The following RAB2A variants were observed in gnomAD, a reference collection of about 807,000 sequenced individuals.
The protein encoded by RAB2A is RAB2A, member RAS oncogene family.
RAB2A carries 7 observed loss-of-function variants against 32.5 expected under a neutral mutation model. The ratio of observed to expected loss-of-function variants is 0.22; its 90% CI spans 0.12 to 0.40. The LOEUF (loss-of-function observed/expected upper bound fraction) is 0.40. Ranked by LOEUF, RAB2A falls within the 10% of genes least tolerant of loss-of-function variation. RAB2A has a pLI of 1.00. For missense variants in RAB2A, 108 were observed against 260.7 expected (o/e 0.41, Z 4.03); for synonymous variants, 79 against 85.2 (o/e 0.93, Z 0.40).
At chr8:60,585,327 G>GTTTTGT (rs1287820375) in intron 5 of RAB2A, among the ~76,000 whole-genome samples, 1 of 146,776 alleles carries the variant, frequency 6.8e-6, no homozygotes, top group African/African-American at 2.5e-5. Context: ...GTTTTGTTTT[G>GTTTTGT]TTTGAGACAG....
chr8:60,522,793 C>T (rs1211566687), intron 1 of RAB2A, among the ~76,000 whole-genome samples: 2 of 152,014 alleles, frequency 1.3e-5, no homozygotes, highest in Non-Finnish European at 2.9e-5. Flanking sequence ...AGAAGGAAGA[C>T]CTCTTCCTGT....
intron 1 of RAB2A, among the ~76,000 whole-genome samples, chr8:60,555,361 A>C (rs539766293): frequency 6.6e-6 from 1 of 152,368 alleles, no homozygotes; most frequent in East Asian, 1.9e-4. Context: ...AAAAGGCAAC[A>C]AAAGCAAAAT....
At chr8:60,528,313 CAT>C (rs537823759) in intron 1 of RAB2A, among the ~76,000 whole-genome samples, 40 of 152,334 alleles carry the variant, frequency 2.6e-4, no homozygotes, top group Admixed American at 1.6e-3. Flanking sequence ...TAAATGATAT[CAT>C]ATGTGTAACA....
At position 60,517,159 on chromosome 8, in the gene RAB2A, C is replaced by G. The variant is rs1255203150; in HGVS notation, c.-49C>G. ...CCGGGGTTGGGGCGCGGAGGAGGAG[C>G]AGCAGCGGGAGGAGGAGCCGTGTGC... On this transcript the variant is annotated 5_prime_UTR_variant, in exon 1 of 8. Coordinates refer to ENST00000262646, the MANE Select transcript of RAB2A (RefSeq NM_002865.3). The G allele has an allele frequency of 1.6e-5, 23 of 1,465,662 alleles. No homozygotes were observed. Among genetic ancestry groups the G allele is most frequent in the Non-Finnish European group, 2.1e-5 (23 of 1,104,226 alleles). The allele number at this position is 1,465,662 out of a possible 1,614,324, so 90.8% of individuals were successfully genotyped here.
At chr8:60,565,751 C>T (rs562473741) in intron 2 of RAB2A, among the ~76,000 whole-genome samples, 1 of 123,978 alleles carries the variant, frequency 8.1e-6, no homozygotes, top group East Asian at 2.7e-4. Flanking sequence ...CGCTCTGTCA[C>T]CCAGGTTGGA....
chr8:60,525,710 T>C (rs1807367010), intron 1 of RAB2A, among the ~76,000 whole-genome samples: 1 of 152,048 alleles, frequency 6.6e-6, no homozygotes, highest in African/African-American at 2.4e-5. Context: ...AAAATGAATA[T>C]TGATAGCAGC....
At chr8:60,526,987 A>G (rs1440599888) in intron 1 of RAB2A, among the ~76,000 whole-genome samples, 5 of 145,282 alleles carry the variant, frequency 3.4e-5, no homozygotes, top group African/African-American at 7.8e-5. Flanking sequence ...AAAAAAAAAA[A>G]GAAGTACTTG....
chr8:60,617,386 A>G (rs1026769934), intron 6 of RAB2A, among the ~76,000 whole-genome samples: 2 of 152,174 alleles, frequency 1.3e-5, no homozygotes, highest in African/African-American at 4.8e-5. Context: ...ATACATTATC[A>G]TGGCAAAAAA....
chr8:60,615,496 G>A (rs1311730252), intron 6 of RAB2A, among the ~76,000 whole-genome samples: 2 of 152,040 alleles, frequency 1.3e-5, no homozygotes, highest in African/African-American at 2.4e-5. Context: ...ACCTTAAAAA[G>A]TTTATATATG....
chr8:60,545,915 A>G (rs1448508959), intron 1 of RAB2A, among the ~76,000 whole-genome samples: 4 of 152,174 alleles, frequency 2.6e-5, no homozygotes, highest in Non-Finnish European at 5.9e-5. Flanking sequence ...TAAATTATTC[A>G]TTTTTCATTA....
intron 6 of RAB2A, among the ~76,000 whole-genome samples, chr8:60,593,893 TAAAAAA>T (rs894124325): frequency 7.0e-6 from 1 of 143,580 alleles, no homozygotes; most frequent in African/African-American, 2.7e-5. Flanking sequence ...AAATGCAAGA[TAAAAAA>T]AAGAACCAAA....
intron 1 of RAB2A, among the ~76,000 whole-genome samples, chr8:60,554,164 A>T (rs1807899896): frequency 6.6e-6 from 1 of 152,234 alleles, no homozygotes; most frequent in Non-Finnish European, 1.5e-5. Context: ...GCATTTTAGC[A>T]AACATTTTCA....
intron 5 of RAB2A, among the ~76,000 whole-genome samples, chr8:60,585,646 T>A: frequency 6.6e-6 from 1 of 152,204 alleles, no homozygotes; most frequent in East Asian, 1.9e-4. Context: ...AATAAAATAC[T>A]CTGAAGAGAT....
At chr8:60,584,007 C>G in intron 3 of RAB2A, 1 of 479,588 alleles carries the variant, frequency 2.1e-6, no homozygotes, top group Non-Finnish European at 3.9e-6. Context: ...TACATGTGCA[C>G]TACATGTGCG....
Position 60,599,779 on chromosome 8 carries a change from G to A in RAB2A, c.474+7810G>A, listed in dbSNP as rs115367609. Among the ~76,000 whole-genome samples the A allele has an allele frequency of 5.4e-3, 821 of 151,584 alleles. 7 individuals are homozygous for A. The highest frequency in any genetic ancestry group is 0.019 in the African/African-American group (776 of 41,302). On this transcript the variant is annotated intron_variant, in intron 6 of 7. Transcript: ENST00000262646. Reference sequence around the variant, plus strand: ...CTTAAAAAAACTAACACAAAATCCTGGAGTTAAATGTAAAATATGAACATA... The same window carrying A: ...CTTAAAAAAACTAACACAAAATCCTAGAGTTAAATGTAAAATATGAACATA...
chr8:60,540,841 C>T (rs1052165830), intron 1 of RAB2A, among the ~76,000 whole-genome samples: 1 of 152,106 alleles, frequency 6.6e-6, no homozygotes, highest in African/African-American at 2.4e-5. Context: ...TATGGAAGGG[C>T]AGAAGATTGG....
chr8:60,565,077 A>G (rs962088208), intron 2 of RAB2A, among the ~76,000 whole-genome samples: 4 of 152,192 alleles, frequency 2.6e-5, no homozygotes, highest in African/African-American at 9.7e-5. Flanking sequence ...TAGGCCATCT[A>G]TATGTTGATT....
intron 6 of RAB2A, among the ~76,000 whole-genome samples, chr8:60,616,646 G>A (rs946205937): frequency 2.6e-5 from 4 of 152,362 alleles, no homozygotes; most frequent in South Asian, 2.1e-4. Flanking sequence ...GCGCACTCGC[G>A]TCCTAAGTGC....
intron 1 of RAB2A, among the ~76,000 whole-genome samples, chr8:60,535,197 A>G (rs546527987): frequency 2.6e-5 from 4 of 152,232 alleles, no homozygotes; most frequent in Non-Finnish European, 5.9e-5. Context: ...ATTGACATTT[A>G]AAGTAGCTAT....
Sources: gnomAD v4.1 joint callset for allele counts (sites outside exome capture counted in the v4.1 genomes callset) on GRCh38, gnomAD v4.1.1 for gene constraint, MANE v1.5 for transcripts, NCBI Gene and HGNC (gene_info 2026-07-23, HGNC 2026-07-21) for gene names.